DPP10: variants seen among roughly 807,000 people sequenced by gnomAD.
DPP10 encodes dipeptidyl peptidase like 10.
In DPP10, 33 loss-of-function variants were observed where a neutral mutation model predicts 120.9. That is an observed-to-expected ratio of 0.27 (90% CI 0.21 to 0.37). The LOEUF (loss-of-function observed/expected upper bound fraction) is 0.37, where lower values mean the gene tolerates loss of function less well. Ranked by LOEUF, DPP10 falls within the 10% of genes least tolerant of loss-of-function variation. The pLI is 1.00. For missense variants in DPP10, 816 were observed against 942.8 expected (o/e 0.87, Z 1.76); for synonymous variants, 337 against 326.1 (o/e 1.03, Z -0.36).
intron 5 of DPP10, among the ~76,000 whole-genome samples, chr2:115,622,670 C>G (rs2085046896): frequency 6.6e-6 from 1 of 151,838 alleles, no homozygotes; most frequent in Non-Finnish European, 1.5e-5. Flanking sequence ...ACATTCCCAT[C>G]AGCAATATCT....
chr2:114,739,654 A>G (rs578049665), intron 1 of DPP10, among the ~76,000 whole-genome samples: 12 of 152,238 alleles, frequency 7.9e-5, no homozygotes, highest in Admixed American at 3.3e-4. Context: ...GCAAGACTCC[A>G]TCACACACAC....
intron 1 of DPP10, among the ~76,000 whole-genome samples, chr2:114,912,217 A>C (rs1361004895): frequency 2.6e-5 from 4 of 152,148 alleles, no homozygotes; most frequent in Admixed American, 1.3e-4. Context: ...GAATTTGTTT[A>C]TTTAAGGAGT....
At chr2:115,420,657 A>G (rs1176628414) in intron 3 of DPP10, among the ~76,000 whole-genome samples, 1 of 152,170 alleles carries the variant, frequency 6.6e-6, no homozygotes, top group East Asian at 1.9e-4. Flanking sequence ...ACTGGTAATG[A>G]TGGAGATCTC....
chr2:115,316,759 G>A (rs1359696211), intron 2 of DPP10, among the ~76,000 whole-genome samples: 1 of 151,878 alleles, frequency 6.6e-6, no homozygotes, highest in Non-Finnish European at 1.5e-5. Flanking sequence ...GTGATATTCT[G>A]GCCTCTAATG....
chr2:115,664,211 A>G (rs2089254637), intron 5 of DPP10, among the ~76,000 whole-genome samples: 1 of 151,908 alleles, frequency 6.6e-6, no homozygotes, highest in Admixed American at 6.6e-5. Flanking sequence ...ATACTGAAAA[A>G]CATTTTCAAT....
intron 4 of DPP10, among the ~76,000 whole-genome samples, chr2:115,506,537 T>C (rs530864496): frequency 6.6e-6 from 1 of 152,252 alleles, no homozygotes; most frequent in East Asian, 1.9e-4. Context: ...TCAAAATACC[T>C]TTTAAAGAAA....
rs549114614 is a variant in DPP10, at chr2:115,419,781, C to G, written c.271+75869C>G. The stretch of plus-strand genomic sequence containing the variant: ...AACTGTGTATGCTGCTTGAATGCTA[C>G]AGAAAAGAAAGAACTAAAATATATT... On this transcript the variant is annotated intron_variant, in intron 3 of 25. Coordinates refer to ENST00000410059, the MANE Select transcript of DPP10 (RefSeq NM_020868.6). 1.6e-3 allele frequency among the ~76,000 whole-genome samples: 241 copies of G among 152,020 alleles called. 1 individual carries two copies. Among genetic ancestry groups the G allele is most frequent in the Non-Finnish European group, 2.8e-3 (188 of 68,012 alleles).
At chr2:115,688,003 T>C (rs1022769101) in intron 5 of DPP10, among the ~76,000 whole-genome samples, 1 of 151,454 alleles carries the variant, frequency 6.6e-6, no homozygotes, top group African/African-American at 2.4e-5. Context: ...CAGTTTGCTT[T>C]GGCAGCAGAG....
chr2:115,630,332 T>C (rs1382524682), intron 5 of DPP10, among the ~76,000 whole-genome samples: 5 of 152,146 alleles, frequency 3.3e-5, no homozygotes, highest in Admixed American at 6.6e-5. Flanking sequence ...TTTCTAGATA[T>C]AGGATCATGT....
At chr2:114,899,166 C>A (rs1043938232) in intron 1 of DPP10, among the ~76,000 whole-genome samples, 1 of 151,136 alleles carries the variant, frequency 6.6e-6, no homozygotes, top group Admixed American at 6.6e-5. Flanking sequence ...TATAGAAATT[C>A]TATATATGAA....
chr2:114,872,195 A>T (rs531545907), intron 1 of DPP10, among the ~76,000 whole-genome samples: 1 of 152,118 alleles, frequency 6.6e-6, no homozygotes, highest in African/African-American at 2.4e-5. Flanking sequence ...TCACATGGCT[A>T]TGGAGGCCTC....
intron 19 of DPP10, among the ~76,000 whole-genome samples, chr2:115,811,799 C>G (rs533718225): frequency 6.6e-6 from 1 of 152,054 alleles, no homozygotes; most frequent in Non-Finnish European, 1.5e-5. Context: ...AATGGGATTA[C>G]CTCTGACATA....
At chr2:114,814,836 C>G (rs146738553) in intron 1 of DPP10, among the ~76,000 whole-genome samples, 73 of 152,348 alleles carry the variant, frequency 4.8e-4, no homozygotes, top group Non-Finnish European at 8.8e-4. Flanking sequence ...CAGTCCTTCC[C>G]TCTTTCCTTC....
At chr2:115,655,595 A>G (rs1254464674) in intron 5 of DPP10, among the ~76,000 whole-genome samples, 1 of 151,622 alleles carries the variant, frequency 6.6e-6, no homozygotes, top group Non-Finnish European at 1.5e-5. Flanking sequence ...TTGGATATAT[A>G]GGGGCGTGTT....
intron 8 of DPP10, among the ~76,000 whole-genome samples, chr2:115,733,077 AT>A (rs2092949462): frequency 6.6e-6 from 1 of 152,202 alleles, no homozygotes; most frequent in African/African-American, 2.4e-5. Context: ...CATAGATGAC[AT>A]GGGCCTTGTG....
intron 1 of DPP10, among the ~76,000 whole-genome samples, chr2:114,915,240 C>A (rs1294904174): frequency 6.6e-6 from 1 of 152,046 alleles, no homozygotes; most frequent in African/African-American, 2.4e-5. Context: ...GACTTTAAGC[C>A]AAAAATGATC....
chr2:115,444,758 G>C (rs1427257890), intron 3 of DPP10, among the ~76,000 whole-genome samples: 4 of 152,088 alleles, frequency 2.6e-5, no homozygotes, highest in African/African-American at 9.7e-5. Flanking sequence ...CATTTTGGTA[G>C]GTTTGCAAAC....
intron 1 of DPP10, among the ~76,000 whole-genome samples, chr2:115,121,957 A>C (rs1243032690): frequency 6.6e-6 from 1 of 152,230 alleles, no homozygotes; most frequent in Non-Finnish European, 1.5e-5. Context: ...GGGGGGATCA[A>C]AATTTTCCCA....
chr2:115,082,887 T>G (rs953658679), intron 1 of DPP10, among the ~76,000 whole-genome samples: 9 of 152,182 alleles, frequency 5.9e-5, no homozygotes, highest in African/African-American at 2.2e-4. Flanking sequence ...GTAGAAGAGG[T>G]TAGGTTTGCA....
Sources: allele counts gnomAD v4.1 joint callset (sites outside exome capture counted in the v4.1 genomes callset), GRCh38; gene constraint gnomAD v4.1.1; transcripts MANE v1.5; gene names NCBI Gene and HGNC (gene_info 2026-07-23, HGNC 2026-07-21).